DCDC1: variants seen among roughly 807,000 people sequenced by gnomAD.
The protein encoded by DCDC1 is doublecortin domain containing 1, also known as doublecortin domain-containing protein 1.
In DCDC1, 200 loss-of-function variants were observed where a neutral mutation model predicts 178.3. That is an observed-to-expected ratio of 1.12 (90% CI 1.00 to 1.26). DCDC1 has a LOEUF of 1.26. Ranked by LOEUF, DCDC1 falls within the 50% of genes most tolerant of loss-of-function variation. The pLI is 0.00. For synonymous variants in DCDC1, 690 were observed against 604.8 expected (o/e 1.14, Z -2.07); for missense variants, 1,983 against 1,749.2 (o/e 1.13, Z -2.38).
At chr11:30,938,592 G>T (rs563198428) in intron 21 of DCDC1, among the ~76,000 whole-genome samples, 225 of 152,134 alleles carry the variant, frequency 1.5e-3, no homozygotes, top group Non-Finnish European at 2.6e-3. Flanking sequence ...ACTTGATCCA[G>T]CAGAGAGCAT....
intron 9 of DCDC1, among the ~76,000 whole-genome samples, chr11:31,172,716 GA>G (rs1169725009): frequency 2.0e-5 from 3 of 152,104 alleles, no homozygotes; most frequent in African/African-American, 7.2e-5. Context: ...ATAAGAAGGA[GA>G]AAATATGTTT....
intron 20 of DCDC1, among the ~76,000 whole-genome samples, chr11:31,049,926 A>G (rs966001329): frequency 6.6e-6 from 1 of 152,216 alleles, no homozygotes; most frequent in Non-Finnish European, 1.5e-5. Flanking sequence ...CCAGAGGAGC[A>G]AGGAGTAAAA....
At chr11:30,973,131 G>A (rs2134705313) in intron 20 of DCDC1, among the ~76,000 whole-genome samples, 1 of 151,992 alleles carries the variant, frequency 6.6e-6, no homozygotes, top group African/African-American at 2.4e-5. Context: ...ATTTAGCCAG[G>A]CGTGATGGTG....
chr11:30,957,203 T>C (rs191158622), intron 20 of DCDC1, among the ~76,000 whole-genome samples: 2 of 152,248 alleles, frequency 1.3e-5, no homozygotes, highest in Admixed American at 1.3e-4. Flanking sequence ...CCTTCCCTTC[T>C]GCATCATTCC....
intron 38 of DCDC1, among the ~76,000 whole-genome samples, chr11:30,867,460 A>G (rs1253801069): frequency 6.6e-6 from 1 of 152,242 alleles, no homozygotes; most frequent in East Asian, 1.9e-4. Context: ...GTAAAAGTCC[A>G]TTATGGTGCC....
chr11:30,991,694 T>C (rs1182053730), intron 20 of DCDC1, among the ~76,000 whole-genome samples: 2 of 152,150 alleles, frequency 1.3e-5, no homozygotes, highest in African/African-American at 2.4e-5. Flanking sequence ...AAAATATATA[T>C]ACTTCTGGAA....
At chr11:30,919,365 C>CT (rs1946080130) in intron 25 of DCDC1, among the ~76,000 whole-genome samples, 1 of 152,152 alleles carries the variant, frequency 6.6e-6, no homozygotes, top group African/African-American at 2.4e-5. Context: ...AAAGAGCCTG[C>CT]TTGGAATATG....
chr11:31,150,301 AGG>A (rs778319978), intron 9 of DCDC1, among the ~76,000 whole-genome samples: 99 of 152,346 alleles, frequency 6.5e-4, no homozygotes, highest in Middle Eastern at 3.4e-3. Flanking sequence ...CAAAAATAAG[AGG>A]ATTAGTAAAA....
At chr11:31,229,478 C>T (rs750454380) in intron 9 of DCDC1, among the ~76,000 whole-genome samples, 10 of 151,996 alleles carry the variant, frequency 6.6e-5, no homozygotes, top group Admixed American at 2.0e-4. Context: ...AATGAATCAA[C>T]GTAATTCACT....
chr11:31,048,486 C>A (rs987445204), intron 20 of DCDC1, among the ~76,000 whole-genome samples: 4 of 152,152 alleles, frequency 2.6e-5, no homozygotes, highest in African/African-American at 7.2e-5. Context: ...CTCTAATTCA[C>A]AGAAAGCCCC....
chr11:30,967,827 G>T (rs1167083914), intron 20 of DCDC1, among the ~76,000 whole-genome samples: 3 of 152,048 alleles, frequency 2.0e-5, no homozygotes, highest in Non-Finnish European at 4.4e-5. Flanking sequence ...TTAGGAAACA[G>T]ATGAGAAATA....
chr11:31,015,966 C>A (rs926460997), intron 20 of DCDC1, among the ~76,000 whole-genome samples: 1 of 152,146 alleles, frequency 6.6e-6, no homozygotes, highest in Non-Finnish European at 1.5e-5. Context: ...ATAAAAAATA[C>A]ACTCCATTTT....
At position 30,955,291 on chromosome 11, in the gene DCDC1, A is replaced by G. The variant is rs1049628632; in HGVS notation, c.2592-2723T>C. On this transcript the variant is annotated intron_variant, in intron 20 of 38. Coordinates refer to ENST00000684477, the MANE Select transcript of DCDC1 (RefSeq NM_001387274.1). ...AAGATCCCCAGTCGCTTTGAAGCACATATCAATAGACCATAACACCTACTT... is the reference window on the plus strand; with the variant it reads ...AAGATCCCCAGTCGCTTTGAAGCACGTATCAATAGACCATAACACCTACTT... 8.5e-5 allele frequency among the ~76,000 whole-genome samples: 13 copies of G among 152,300 alleles called. 1 individual carries two copies. The highest frequency in any genetic ancestry group is 2.6e-4 in the Admixed American group (4 of 15,296).
chr11:30,906,666 T>G lies in DCDC1; in HGVS notation c.3978A>C (p.Gly1326=). The G allele has an allele frequency of 6.2e-7, 1 of 1,613,638 alleles. No individual in the cohort carries two copies. The highest frequency in any genetic ancestry group is 8.5e-7 in the Non-Finnish European group (1 of 1,179,712). Reference sequence around the variant, plus strand: ...GTCCTTTCTCTGTTCTCATGGATTGTCCACAAGCCAAGCAGAGCATAGTTT... The same window carrying G: ...GTCCTTTCTCTGTTCTCATGGATTGGCCACAAGCCAAGCAGAGCATAGTTT... The part of the protein sequence containing the change: ...KRKTMLCLAC[G]QSMRTEKGLK... The change falls in exon 30 of 39, where the codon GGA becomes GGC. Residue 1326 remains glycine (G), a synonymous_variant. Transcript: ENST00000684477.
intron 20 of DCDC1, among the ~76,000 whole-genome samples, chr11:30,976,342 T>C (rs1950100214): frequency 6.6e-6 from 1 of 152,038 alleles, no homozygotes; most frequent in African/African-American, 2.4e-5. Context: ...TAGACTATAT[T>C]AAACTAAAAA....
chr11:31,336,594 ATGTCCTAATG>A (rs1459385573), intron 1 of DCDC1, among the ~76,000 whole-genome samples: 2 of 152,242 alleles, frequency 1.3e-5, no homozygotes, highest in African/African-American at 4.8e-5. Flanking sequence ...TTGTATTGCA[ATGTCCTAATG>A]TGTCCATATG....
chr11:31,126,832 T>C (rs1265564811), intron 11 of DCDC1, among the ~76,000 whole-genome samples: 2 of 152,216 alleles, frequency 1.3e-5, no homozygotes, highest in African/African-American at 4.8e-5. Context: ...CCTAAGCTTT[T>C]AGTACCAAAA....
intron 10 of DCDC1, among the ~76,000 whole-genome samples, chr11:31,135,837 C>T (rs144460475): frequency 1.3e-5 from 2 of 151,930 alleles, no homozygotes; most frequent in Admixed American, 6.6e-5. Context: ...AGCATAATTG[C>T]CATTAGATTT....
At chr11:31,220,356 C>A (rs1217134723) in intron 9 of DCDC1, among the ~76,000 whole-genome samples, 6 of 152,044 alleles carry the variant, frequency 3.9e-5, no homozygotes, top group Non-Finnish European at 4.4e-5. Flanking sequence ...AAATGTTTCA[C>A]CAAATTTAAC....
Sources: allele counts gnomAD v4.1 joint callset (sites outside exome capture counted in the v4.1 genomes callset), GRCh38; gene constraint gnomAD v4.1.1; transcripts MANE v1.5; gene names NCBI Gene and HGNC (gene_info 2026-07-23, HGNC 2026-07-21).